Variants in SLC3A2 observed in about 807,000 individuals in gnomAD.
SLC3A2 encodes amino acid transporter heavy chain SLC3A2.
In SLC3A2, 32 loss-of-function variants were observed where a neutral mutation model predicts 48.5. The observed-to-expected ratio is 0.66, with a 90% CI of 0.50 to 0.89. The LOEUF (loss-of-function observed/expected upper bound fraction) is 0.89, where lower values mean the gene tolerates loss of function less well. Among genes scored for constraint, SLC3A2 ranks in the 40% least tolerant of loss-of-function variants. The pLI, the probability that SLC3A2 is intolerant of heterozygous loss-of-function variation, is 0.00. For missense variants in SLC3A2, 587 were observed against 680.7 expected (o/e 0.86, Z 1.53); for synonymous variants, 277 against 288.8 (o/e 0.96, Z 0.41).
In SLC3A2 at chr11:62,881,064, TGAATGAGTTAGAGCCC is replaced by T. The variant is rs1304725318; in HGVS notation, c.44_59del (p.Asn15ArgfsTer5). ...GAGGTGGATATGAAGGAGGTGGAGC[TGAATGAGTTAGAGCCC>T]GAGAAGCAGCCGATGAACGCGGCGT... is the stretch of plus-strand genomic sequence containing the variant. On this transcript the variant is annotated frameshift_variant, in exon 1 of 9. Transcript: ENST00000338663. LOFTEE classifies it high-confidence loss of function. This position sits in a 1 kb window ranked among gnomAD's most constrained non-coding sequence, Gnocchi z 4.0. 1 of 1,600,850 alleles carries T rather than the reference TGAATGAGTTAGAGCCC, an allele frequency of 6.2e-7. No individual in the cohort carries two copies.
At chr11:62,876,328 G>A (rs115919703), upstream of SLC3A2, among the ~76,000 whole-genome samples, 687 of 152,244 alleles carry the variant, frequency 4.5e-3, 4 homozygotes, top group African/African-American at 0.016. Context: ...GGGCTCCACC[G>A]CCATCTGTCT....
At chr11:62,856,302 C>G (rs764743962) in exon 1 of SLC3A2, 2 of 1,613,628 alleles carry the variant, frequency 1.2e-6, no homozygotes, top group Non-Finnish European at 8.5e-7. Flanking sequence ...CCTCGATCGC[C>G]GTCGTGTCGA....
intron 1 of SLC3A2, among the ~76,000 whole-genome samples, chr11:62,869,523 CAAAAA>C (rs57962693): frequency 5.6e-5 from 3 of 53,872 alleles, no homozygotes; most frequent in East Asian, 6.0e-4. Flanking sequence ...GACTCCATCT[CAAAAA>C]AAAAAAAAAA....
At chr11:62,888,248 C>G (rs762171500) in intron 8 of SLC3A2, 30 bp downstream of exon 8, 1 of 1,611,178 alleles carries the variant, frequency 6.2e-7, no homozygotes, top group Non-Finnish European at 8.5e-7. Flanking sequence ...AGAAACTGAC[C>G]GGTGGAGGGT....
rs552750153 is a variant in SLC3A2 at position 62,859,086 on chromosome 11, A to G, written c.112+2705A>G. On this transcript the variant is annotated intron_variant, in intron 1 of 9. Transcript: ENST00000377889. ...CTTTACGGGTGTCGGGCTGGGGGAC[A>G]GTCAGGTCTTTCCCTTCCCACGAGG... Among the ~76,000 whole-genome samples the G allele has an allele frequency of 8.1e-4, 124 of 152,274 alleles. 2 individuals carry two copies. Among genetic ancestry groups the G allele is most frequent in the South Asian group, 2.7e-3 (13 of 4,826 alleles).
At position 62,871,827 on chromosome 11, in the gene SLC3A2, T is replaced by G. The variant is rs199683959; in HGVS notation, c.113-9192T>G. The stretch of plus-strand genomic sequence containing the variant: ...TTACAAAGTTCTCACCACCAGATAT[T>G]AAGATTTGTATTAGAATTGCATTTG... On this transcript the variant is annotated intron_variant, in intron 1 of 9. Transcript: ENST00000377889. Among the ~76,000 whole-genome samples, 43 of 152,212 alleles carry G rather than the reference T, an allele frequency of 2.8e-4. No homozygotes were observed. The East Asian group carries it at 7.3e-3, about 26-fold the overall frequency.
At chr11:62,864,500 T>A (rs1307135552) in intron 1 of SLC3A2, among the ~76,000 whole-genome samples, 1 of 152,092 alleles carries the variant, frequency 6.6e-6, no homozygotes, top group Non-Finnish European at 1.5e-5. Context: ...GGAGTCTCGC[T>A]CTGTCGCCCA....
intron 7 of SLC3A2, among the ~76,000 whole-genome samples, chr11:62,887,699 C>CAAA (rs753559403): frequency 3.3e-5 from 3 of 89,580 alleles, no homozygotes; most frequent in Non-Finnish European, 4.5e-5. Context: ...GACTCCGTCT[C>CAAA]AAAAAAAAAA....
intron 7 of SLC3A2, among the ~76,000 whole-genome samples, chr11:62,887,459 T>C (rs552474010): frequency 7.7e-4 from 117 of 152,170 alleles, no homozygotes; most frequent in African/African-American, 2.7e-3. Context: ...TCCCAGCACT[T>C]TGGGAGGCCA....
rs145533968 is a variant in SLC3A2 at position 62,866,748 on chromosome 11, T to G, written c.112+10367T>G. Reference sequence around the variant, plus strand: ...GTATCTGTTCTTATCCTCTAACATCTCATCAGTTCTGTACTTGAGGATACT... The same window carrying G: ...GTATCTGTTCTTATCCTCTAACATCGCATCAGTTCTGTACTTGAGGATACT... On this transcript the variant is annotated intron_variant, in intron 1 of 9. Coordinates refer to the SLC3A2 transcript ENST00000377889. Among the ~76,000 whole-genome samples the G allele has an allele frequency of 1.4e-3, 211 of 152,310 alleles. 1 individual carries two copies. The highest frequency in any genetic ancestry group is 4.9e-3 in the African/African-American group (205 of 41,580).
chr11:62,883,234 G>A (rs1340212611), intron 3 of SLC3A2: 1 of 489,634 alleles, frequency 2.0e-6, no homozygotes, highest in Admixed American at 3.3e-5. Flanking sequence ...ATGAGACAGT[G>A]CCAGGAAGGG....
chr11:62,882,056 T>TA lies in SLC3A2; in HGVS notation c.596dup (p.Ser200GlufsTer15), dbSNP rs760089491. The stretch of plus-strand genomic sequence containing the variant: ...ATTTTGACAGTCTCTTGCAATCGGC[T>TA]AAAAAAAAGAGTGGGTATCCTGGGG... On this transcript the variant is annotated frameshift_variant, in exon 2 of 9. Coordinates refer to ENST00000338663, the MANE Select transcript of SLC3A2 (RefSeq NM_001013251.3). LOFTEE classifies it high-confidence loss of function. 35 of 1,613,114 alleles carry TA rather than the reference T, an allele frequency of 2.2e-5. No homozygotes were observed. Among genetic ancestry groups the TA allele is most frequent in the Non-Finnish European group, 1.4e-5 (16 of 1,179,640 alleles).
rs910760207 is a variant in SLC3A2 at position 62,884,661 on chromosome 11, A to G, written c.789A>G (p.Gln263=). 46 of 1,608,796 alleles carry G rather than the reference A, an allele frequency of 2.9e-5. No individual in the cohort carries two copies. The highest frequency in any genetic ancestry group is 3.7e-5 in the Non-Finnish European group (44 of 1,176,558). The change falls in exon 5 of 9, where the codon CAA becomes CAG. Residue 263 remains glutamine (Q), a synonymous_variant. Coordinates refer to ENST00000338663, the MANE Select transcript of SLC3A2 (RefSeq NM_001013251.3). ...CATCCTCATTCTTGGCTGAGTGGCA[A>G]AATATCACCAAGGGCTTCAGTGAAG... ...KDASSFLAEW[Q]NITKGFSEDR... is the part of the protein sequence containing the mutation.
At chr11:62,859,979 G>A (rs924232043) in intron 1 of SLC3A2, among the ~76,000 whole-genome samples, 13 of 152,118 alleles carry the variant, frequency 8.5e-5, no homozygotes, top group East Asian at 1.9e-4. Context: ...CGGAGGACCC[G>A]CACCAGCACT....
In SLC3A2 at chr11:62,885,232, G is replaced by A. The variant is rs2085694407; in HGVS notation, c.874G>A (p.Glu292Lys). The change falls in exon 6 of 9, where the codon GAA becomes AAA. Residue 292 changes from glutamate (E) to lysine (K), a missense_variant. Transcript: ENST00000338663. Reference protein sequence around the residue: ...SDLQQILSLLESNKDLLLTSS... With the variant: ...SDLQQILSLLKSNKDLLLTSS... ...CCTTCAGCAGATCCTGAGCCTACTC[G>A]AATCCAACAAAGACTTGCTGTTGAC... 1.2e-6 allele frequency: 2 copies of A among 1,614,108 alleles called. No individual in the cohort carries two copies. The highest frequency in any genetic ancestry group is 8.5e-7 in the Non-Finnish European group (1 of 1,180,026).
chr11:62,857,778 G>A (rs986940121), intron 1 of SLC3A2, among the ~76,000 whole-genome samples: 1 of 151,798 alleles, frequency 6.6e-6, no homozygotes, highest in African/African-American at 2.4e-5. Context: ...AGACAAGGCT[G>A]GGGAGGTTGT....
intron 1 of SLC3A2, among the ~76,000 whole-genome samples, chr11:62,864,497 C>T (rs1003639739): frequency 1.3e-5 from 2 of 152,028 alleles, no homozygotes; most frequent in African/African-American, 2.4e-5. Context: ...GACGGAGTCT[C>T]GCTCTGTCGC....
chr11:62,858,589 A>G (rs150829588), intron 1 of SLC3A2, among the ~76,000 whole-genome samples: 2 of 152,228 alleles, frequency 1.3e-5, no homozygotes, highest in African/African-American at 4.8e-5. Flanking sequence ...TAGGAAAGAA[A>G]AAGACAGAGA....
At position 62,885,736 on chromosome 11, in the gene SLC3A2, G is replaced by A. The variant is rs2085705288; in HGVS notation, c.1143+128G>A. The A allele has an allele frequency of 6.3e-5, 63 of 1,001,586 alleles. 1 individual carries two copies. In the South Asian group the frequency reaches 9.3e-4, roughly 15 times the overall value. The allele number at this position is 1,001,586 out of a possible 1,614,324, so 62.0% of individuals were successfully genotyped here. Reference sequence around the variant, plus strand: ...CGTTTGATTCTTAGTCAGTAGCTGAGTGGCTATGTGGCTTTGGGCAAATTA... The same window carrying A: ...CGTTTGATTCTTAGTCAGTAGCTGAATGGCTATGTGGCTTTGGGCAAATTA... On this transcript the variant is annotated intron_variant, in intron 7 of 8. Coordinates refer to ENST00000338663, the MANE Select transcript of SLC3A2 (RefSeq NM_001013251.3).
Sources: allele counts gnomAD v4.1 joint callset (sites outside exome capture counted in the v4.1 genomes callset), GRCh38; gene constraint gnomAD v4.1.1; non-coding constraint Gnocchi (gnomAD v3.1); transcripts MANE v1.5; gene names NCBI Gene and HGNC (gene_info 2026-07-23, HGNC 2026-07-21).